DACH1: variants seen among roughly 807,000 people sequenced by gnomAD.
The protein encoded by DACH1 is dachshund homolog 1.
DACH1 carries 12 observed loss-of-function variants against 54.2 expected under a neutral mutation model. The observed-to-expected ratio is 0.22, with a 90% CI of 0.14 to 0.36. DACH1 has a LOEUF of 0.36. DACH1 is among the 10% of genes least tolerant of loss of function. DACH1 has a pLI of 1.00. For missense variants in DACH1, 805 were observed against 929.8 expected (o/e 0.87, Z 1.75); for synonymous variants, 386 against 366.2 (o/e 1.05, Z -0.62).
chr13:71,451,419 G>A (rs988796171), intron 10 of DACH1, among the ~76,000 whole-genome samples: 2 of 152,076 alleles, frequency 1.3e-5, no homozygotes, highest in Non-Finnish European at 2.9e-5. Flanking sequence ...CTTGGTACAT[G>A]GAAAGGGCTC....
intron 1 of DACH1, among the ~76,000 whole-genome samples, chr13:71,739,266 GA>G (rs908986264): frequency 8.6e-5 from 13 of 151,502 alleles, no homozygotes; most frequent in African/African-American, 2.9e-4. Context: ...TCAAAAAAAA[GA>G]AAAAAAGAAA....
chr13:71,601,392 T>C (rs1291458773), intron 3 of DACH1, among the ~76,000 whole-genome samples: 1 of 152,050 alleles, frequency 6.6e-6, no homozygotes, highest in African/African-American at 2.4e-5. Flanking sequence ...GGAAAAAATA[T>C]TTTTTATAAT....
intron 6 of DACH1, among the ~76,000 whole-genome samples, chr13:71,550,358 T>C (rs1390169974): frequency 6.6e-6 from 1 of 152,020 alleles, no homozygotes; most frequent in Non-Finnish European, 1.5e-5. Flanking sequence ...TGAGAAGACA[T>C]AGCTCCTGCC....
chr13:71,789,749 C>A (rs56383958), intron 1 of DACH1, among the ~76,000 whole-genome samples: 81 of 152,134 alleles, frequency 5.3e-4, no homozygotes, highest in African/African-American at 1.9e-3. Flanking sequence ...ATTGCATTTC[C>A]TCATGGCATA....
chr13:71,448,345 T>A (rs932125121), intron 10 of DACH1, among the ~76,000 whole-genome samples: 1 of 152,112 alleles, frequency 6.6e-6, no homozygotes, highest in African/African-American at 2.4e-5. Flanking sequence ...AATGTCTTCA[T>A]CATGTGAAGT....
intron 1 of DACH1, among the ~76,000 whole-genome samples, chr13:71,690,522 C>G (rs1881423431): frequency 6.6e-6 from 1 of 152,136 alleles, no homozygotes; most frequent in Non-Finnish European, 1.5e-5. Flanking sequence ...TAATTAGAAA[C>G]AATTGTAAGT....
chr13:71,579,486 A>T (rs1266051872), intron 3 of DACH1, among the ~76,000 whole-genome samples: 2 of 152,152 alleles, frequency 1.3e-5, no homozygotes, highest in Non-Finnish European at 2.9e-5. Context: ...CTAATGTAAG[A>T]TGAAACGATA....
intron 4 of DACH1, among the ~76,000 whole-genome samples, chr13:71,562,554 G>A (rs1330522873): frequency 6.6e-6 from 1 of 152,078 alleles, no homozygotes; most frequent in Non-Finnish European, 1.5e-5. Flanking sequence ...TTTACAGTTT[G>A]CAGATTAAGA....
intron 1 of DACH1, among the ~76,000 whole-genome samples, chr13:71,713,928 T>A (rs1326082782): frequency 6.6e-6 from 1 of 152,002 alleles, no homozygotes; most frequent in African/African-American, 2.4e-5. Flanking sequence ...CCACTTCTTA[T>A]TTTCAACTAC....
chr13:71,544,366 A>AAAACTG, intron 6 of DACH1, among the ~76,000 whole-genome samples: 1 of 152,292 alleles, frequency 6.6e-6, no homozygotes, highest in East Asian at 1.9e-4. Context: ...AAAACTTCTC[A>AAAACTG]GTATGGTTTG....
At chr13:71,814,026 A>G (rs1887819799) in intron 1 of DACH1, among the ~76,000 whole-genome samples, 1 of 152,224 alleles carries the variant, frequency 6.6e-6, no homozygotes, top group Admixed American at 6.5e-5. Context: ...AAATTAATGT[A>G]AGTAATCAAA....
rs77919973 is a variant in DACH1 at position 71,823,948 on chromosome 13, T to C, written c.848+41974A>G. 2.2e-3 allele frequency among the ~76,000 whole-genome samples: 331 copies of C among 152,146 alleles called. 3 individuals carry two copies. Among genetic ancestry groups the C allele is most frequent in the Non-Finnish European group, 4.1e-3 (280 of 67,876 alleles). ...ATATCAAACACTTGCCAAATTTTGT[T>C]ATGTAAATTCTGTTAATTTACTGGA... On this transcript the variant is annotated intron_variant, in intron 1 of 10. Transcript: ENST00000613252.
intron 3 of DACH1, among the ~76,000 whole-genome samples, chr13:71,627,816 A>G (rs1876771104): frequency 6.6e-6 from 1 of 152,000 alleles, no homozygotes; most frequent in South Asian, 2.1e-4. Flanking sequence ...AAATCTCCTC[A>G]CAGGCCTGCA....
intron 7 of DACH1, among the ~76,000 whole-genome samples, chr13:71,483,690 T>C (rs964822411): frequency 6.6e-6 from 1 of 151,728 alleles, no homozygotes; most frequent in African/African-American, 2.4e-5. Flanking sequence ...ATAATCAGAG[T>C]ACAGTCATTC....
chr13:71,814,762 A>G (rs1375088867), intron 1 of DACH1, among the ~76,000 whole-genome samples: 1 of 152,258 alleles, frequency 6.6e-6, no homozygotes, highest in Non-Finnish European at 1.5e-5. Flanking sequence ...ATGCATCAGG[A>G]TAATGCATGT....
chr13:71,650,680 A>G (rs1878603803), intron 2 of DACH1, among the ~76,000 whole-genome samples: 1 of 152,154 alleles, frequency 6.6e-6, no homozygotes. Flanking sequence ...GAATTCTAAG[A>G]GACTCTAAAC....
In DACH1 at chr13:71,489,167, A is replaced by G; in HGVS notation, c.1571-19T>C. 6.2e-7 allele frequency: 1 copy of G among 1,607,286 alleles called. No individual in the cohort carries two copies. Among genetic ancestry groups the G allele is most frequent in the Non-Finnish European group, 8.5e-7 (1 of 1,176,008 alleles). On this transcript the variant is annotated intron_variant, in intron 6 of 10. Coordinates refer to ENST00000613252, the MANE Select transcript of DACH1 (RefSeq NM_080759.6). ...GTCTCATCTGCATGTGATTGAAACA[A>G]AAATATAGAACAAGTTACGCTTGTC...
intron 1 of DACH1, among the ~76,000 whole-genome samples, chr13:71,732,087 T>C (rs1358813903): frequency 6.6e-6 from 1 of 152,168 alleles, no homozygotes; most frequent in Non-Finnish European, 1.5e-5. Context: ...AGCCTGCCAA[T>C]ATTTGGGGGA....
chr13:71,628,865 A>G (rs1016972594), intron 3 of DACH1, among the ~76,000 whole-genome samples: 1 of 152,218 alleles, frequency 6.6e-6, no homozygotes, highest in East Asian at 1.9e-4. Context: ...AAATTCAAAC[A>G]GAGATACCAT....
Sources: allele counts gnomAD v4.1 joint callset (sites outside exome capture counted in the v4.1 genomes callset), GRCh38; gene constraint gnomAD v4.1.1; transcripts MANE v1.5; gene names NCBI Gene and HGNC (gene_info 2026-07-23, HGNC 2026-07-21).